The following GPD2 variants were observed in gnomAD, a reference collection of about 807,000 sequenced individuals.
The protein encoded by GPD2 is glycerol-3-phosphate dehydrogenase, mitochondrial.
Under a neutral mutation model 82.4 loss-of-function variants are expected in GPD2, and 54 were observed. The ratio of observed to expected loss-of-function variants is 0.66; its 90% CI spans 0.53 to 0.82. The LOEUF (loss-of-function observed/expected upper bound fraction) is 0.82, where lower values mean the gene tolerates loss of function less well. GPD2 is among the 40% of genes least tolerant of loss of function. The pLI is 0.00. For synonymous variants in GPD2, 288 were observed against 306.1 expected, an observed-to-expected ratio of 0.94 and a Z score of 0.62; for missense variants, 748 against 896.2, an observed-to-expected ratio of 0.83 and a Z score of 2.11.
chr2:156,495,769 A>G, intron 2 of GPD2: 1 of 440,570 alleles, frequency 2.3e-6, no homozygotes, highest in African/African-American at 2.0e-5. Flanking sequence ...TGTTGTGAAT[A>G]ATTGAACTTG....
At chr2:156,568,728 G>A (rs1574010509) in intron 9 of GPD2, 97 bp from the exon 10 acceptor site, 3 of 1,032,910 alleles carry the variant, frequency 2.9e-6, no homozygotes, top group East Asian at 5.0e-5. Flanking sequence ...GCACACATGT[G>A]TATTCCTGTC....
the GPD2 span, among the ~76,000 whole-genome samples, chr2:156,422,183 A>G: frequency 6.6e-6 from 1 of 152,196 alleles, no homozygotes; most frequent in Non-Finnish European, 1.5e-5. Flanking sequence ...TTAAGAATCA[A>G]TTTGACAAGT....
Position 156,506,689 on chromosome 2 carries a change from T to C in GPD2, c.275-4107T>C, listed in dbSNP as rs141292523. Among the ~76,000 whole-genome samples the C allele has an allele frequency of 2.9e-4, 44 of 152,218 alleles. 1 individual carries two copies. In the East Asian group the frequency reaches 8.3e-3, roughly 29 times the overall value. ...TGCCTTCTGAGGCCGGATTCTTCAT[T>C]GCCCCAACTCCTGTTATATGACACT... On this transcript the variant is annotated intron_variant, in intron 3 of 16. Coordinates refer to ENST00000438166, the MANE Select transcript of GPD2 (RefSeq NM_000408.5).
chr2:156,495,560 A>G (rs764681792), intron 2 of GPD2: 3 of 452,850 alleles, frequency 6.6e-6, no homozygotes, highest in South Asian at 3.3e-5. Flanking sequence ...CCCAAACTCT[A>G]GAATATAGTT....
At chr2:156,570,564 C>T (rs894686706) in intron 12 of GPD2, among the ~76,000 whole-genome samples, 1 of 152,104 alleles carries the variant, frequency 6.6e-6, no homozygotes, top group African/African-American at 2.4e-5. Flanking sequence ...GACAGTTTCT[C>T]AAAGGTTTAG....
intron 6 of GPD2, among the ~76,000 whole-genome samples, chr2:156,543,339 A>G (rs1686399063): frequency 1.3e-5 from 2 of 152,192 alleles, no homozygotes; most frequent in African/African-American, 4.8e-5. Context: ...AATATCTGCT[A>G]GGTAGCAAAG....
intron 13 of GPD2, among the ~76,000 whole-genome samples, chr2:156,571,507 A>G (rs1687640022): frequency 6.6e-6 from 1 of 152,146 alleles, no homozygotes; most frequent in Admixed American, 6.6e-5. Flanking sequence ...AAATGCTCAT[A>G]AATTTGTGGT....
intron 1 of GPD2, among the ~76,000 whole-genome samples, chr2:156,461,319 A>G (rs1485419552): frequency 1.3e-5 from 2 of 151,940 alleles, no homozygotes; most frequent in Non-Finnish European, 1.5e-5. Flanking sequence ...CAGCTAGGGC[A>G]TTTCTTCCTT....
intron 1 of GPD2, among the ~76,000 whole-genome samples, chr2:156,465,423 G>A (rs1683120298): frequency 6.9e-6 from 1 of 145,794 alleles, no homozygotes; most frequent in African/African-American, 2.6e-5. Flanking sequence ...GTGCAGTGGT[G>A]CCCTCATAGC....
chr2:156,437,900 A>G (rs1317846505), intron 1 of GPD2, among the ~76,000 whole-genome samples: 1 of 152,164 alleles, frequency 6.6e-6, no homozygotes, highest in East Asian at 1.9e-4. Context: ...GATATTTTAA[A>G]AGATTTGATG....
intron 4 of GPD2, among the ~76,000 whole-genome samples, chr2:156,511,680 A>G (rs1685002447): frequency 6.6e-6 from 1 of 152,186 alleles, no homozygotes. Context: ...AAAATCTATG[A>G]GTCTGTTATC....
intron 8 of GPD2, among the ~76,000 whole-genome samples, chr2:156,552,130 A>G (rs1025769239): frequency 6.6e-6 from 1 of 152,236 alleles, no homozygotes; most frequent in Admixed American, 6.5e-5. Flanking sequence ...TGAGAAAATC[A>G]TTAAAGAGAA....
chr2:156,561,797 C>T (rs1286881704), intron 9 of GPD2, among the ~76,000 whole-genome samples: 1 of 152,086 alleles, frequency 6.6e-6, no homozygotes, highest in East Asian at 1.9e-4. Context: ...ATGGCTATAT[C>T]CTTAAGAAAA....
chr2:156,485,225 T>C (rs1287755386), intron 2 of GPD2, among the ~76,000 whole-genome samples: 1 of 152,240 alleles, frequency 6.6e-6, no homozygotes, highest in East Asian at 1.9e-4. Context: ...TATCTAACAC[T>C]GTAGTTCCCA....
At chr2:156,475,481 A>G (rs1014629168) in intron 1 of GPD2, among the ~76,000 whole-genome samples, 29 of 152,070 alleles carry the variant, frequency 1.9e-4, no homozygotes, top group African/African-American at 7.0e-4. Context: ...GGCATCCACC[A>G]CCACGGCCTC....
upstream of GPD2, among the ~76,000 whole-genome samples, chr2:156,431,348 T>C (rs1033269044): frequency 6.6e-6 from 1 of 152,236 alleles, no homozygotes; most frequent in Non-Finnish European, 1.5e-5. Flanking sequence ...GGTCATTGTT[T>C]CCTTTCTCAT....
At chr2:156,450,225 G>T (rs1459336309) in intron 1 of GPD2, among the ~76,000 whole-genome samples, 1 of 152,210 alleles carries the variant, frequency 6.6e-6, no homozygotes, top group African/African-American at 2.4e-5. Flanking sequence ...TTCTGCTTTG[G>T]CTAAGTTTGA....
chr2:156,461,896 C>T (rs979244758), intron 1 of GPD2, among the ~76,000 whole-genome samples: 2 of 152,216 alleles, frequency 1.3e-5, no homozygotes, highest in Non-Finnish European at 2.9e-5. Context: ...CAATGCTCCT[C>T]CTCCTGTCTT....
At chr2:156,434,844 C>T (rs1688378604), upstream of GPD2, among the ~76,000 whole-genome samples, 1 of 152,176 alleles carries the variant, frequency 6.6e-6, no homozygotes, top group African/African-American at 2.4e-5. Context: ...TGAATCAGGT[C>T]ACTGGAGTAC....
Sources: allele counts gnomAD v4.1 joint callset (sites outside exome capture counted in the v4.1 genomes callset), GRCh38; gene constraint gnomAD v4.1.1; transcripts MANE v1.5; gene names NCBI Gene and HGNC (gene_info 2026-07-23, HGNC 2026-07-21).